GIGYF2: variants seen among roughly 807,000 people sequenced by gnomAD.
GIGYF2 encodes the protein GRB10 interacting GYF protein 2, also known as GRB10-interacting GYF protein 2.
A neutral mutation model predicts 208.1 loss-of-function variants in GIGYF2; 25 were observed. That is an observed-to-expected ratio of 0.12 (90% CI 0.09 to 0.17). The LOEUF (loss-of-function observed/expected upper bound fraction) is 0.17, where lower values mean the gene tolerates loss of function less well. Ranked by LOEUF, GIGYF2 falls within the 10% of genes least tolerant of loss-of-function variation. GIGYF2 has a pLI of 1.00. For missense variants in GIGYF2, 1,302 were observed against 1,579.4 expected (o/e 0.82, Z 2.98); for synonymous variants, 534 against 543.8 (o/e 0.98, Z 0.25).
chr2:232,766,925 T>A (rs1344416533), intron 8 of GIGYF2: 4 of 152,208 alleles, frequency 2.6e-5, no homozygotes, highest in Non-Finnish European at 5.9e-5. Context: ...GTTTGAAACC[T>A]GATAGGGTGA....
At chr2:232,779,857 T>C (rs1304967722) in intron 8 of GIGYF2, among the ~76,000 whole-genome samples, 1 of 152,234 alleles carries the variant, frequency 6.6e-6, no homozygotes, top group East Asian at 1.9e-4. Context: ...CCCTGAGTTT[T>C]GTTTATAAGT....
At chr2:232,805,959 T>C (rs1700549067) in intron 14 of GIGYF2, among the ~76,000 whole-genome samples, 1 of 152,274 alleles carries the variant, frequency 6.6e-6, no homozygotes, top group South Asian at 2.1e-4. Flanking sequence ...TTGTATGTTA[T>C]TTATGTATAT....
Position 232,806,466 on chromosome 2 carries a change from TTC to T in GIGYF2, c.1640-23_1640-22del. ...GAGTCTGAAAGGTTTCTTATTGTCT[TTC>T]TGTTTAATTGGTGCTGTTATAGGTC... On this transcript the variant is annotated intron_variant, in intron 14 of 28. Coordinates refer to ENST00000373563, the MANE Select transcript of GIGYF2 (RefSeq NM_001103146.3). This position sits in a 1 kb window ranked among gnomAD's most constrained non-coding sequence, Gnocchi z 4.0. The T allele has an allele frequency of 1.3e-6, 2 of 1,523,376 alleles. No homozygotes were observed. Among genetic ancestry groups the T allele is most frequent in the Non-Finnish European group, 1.8e-6 (2 of 1,097,170 alleles). 94.4% of individuals were successfully genotyped at this position (1,523,376 alleles called of 1,614,324 possible). A position where few individuals can be genotyped will look rare whatever the true frequency, so the allele number is the denominator to read the frequency against.
intron 9 of GIGYF2, 144 bp from the exon 10 acceptor site, chr2:232,790,554 G>A: frequency 1.3e-6 from 1 of 749,256 alleles, no homozygotes; most frequent in Non-Finnish European, 2.4e-6. Flanking sequence ...ACTTCATTTA[G>A]TTGCCTAATG....
At chr2:232,746,634 TC>T (rs1698161222) in intron 3 of GIGYF2, among the ~76,000 whole-genome samples, 2 of 152,318 alleles carry the variant, frequency 1.3e-5, no homozygotes, top group Admixed American at 1.3e-4. Flanking sequence ...TAGTCCCTTT[TC>T]CCCAAGTTCT....
chr2:232,803,300 G>C (rs1270375653), intron 14 of GIGYF2, among the ~76,000 whole-genome samples: 1 of 152,130 alleles, frequency 6.6e-6, no homozygotes, highest in Admixed American at 6.5e-5. Context: ...TCTTAATAGA[G>C]TCTTTCACAG....
intron 2 of GIGYF2, chr2:232,729,655 G>A (rs1195254781): frequency 1.0e-6 from 1 of 991,170 alleles, no homozygotes; most frequent in Non-Finnish European, 1.6e-6. Flanking sequence ...TCTTAATTCT[G>A]TATCCCACTT....
At chr2:232,726,888 A>G (rs1697225784) in intron 2 of GIGYF2, among the ~76,000 whole-genome samples, 1 of 152,220 alleles carries the variant, frequency 6.6e-6, no homozygotes, top group Non-Finnish European at 1.5e-5. Context: ...AAATATATGA[A>G]TAAAAGGTTG....
intron 23 of GIGYF2, among the ~76,000 whole-genome samples, chr2:232,841,093 A>G (rs1334155007): frequency 6.6e-6 from 1 of 152,008 alleles, no homozygotes; most frequent in Non-Finnish European, 1.5e-5. Context: ...AAAAGAATTG[A>G]ACTTTCTCTG....
At chr2:232,811,058 T>C in intron 16 of GIGYF2, 186 bp from the exon 17 acceptor site, 4 of 560,486 alleles carry the variant, frequency 7.1e-6, no homozygotes, top group Non-Finnish European at 1.3e-5. Flanking sequence ...GTTCAGTTCT[T>C]TCTAGAATGA....
chr2:232,775,607 C>T (rs1699479790), intron 8 of GIGYF2, among the ~76,000 whole-genome samples: 2 of 151,974 alleles, frequency 1.3e-5, no homozygotes. Context: ...AAAATATTTG[C>T]CCATTTATAA....
At chr2:232,730,961 CATGTTGTAA>C (rs969531092) in intron 2 of GIGYF2, among the ~76,000 whole-genome samples, 2 of 148,640 alleles carry the variant, frequency 1.3e-5, no homozygotes, top group Non-Finnish European at 3.0e-5. Flanking sequence ...TTACAGAAAC[CATGTTGTAA>C]ATGGTAGTTG....
intron 12 of GIGYF2, among the ~76,000 whole-genome samples, chr2:232,792,476 C>T (rs1440482668): frequency 6.6e-6 from 1 of 152,096 alleles, no homozygotes; most frequent in Non-Finnish European, 1.5e-5. Context: ...ATGGCACGTG[C>T]TTGTAATCCC....
chr2:232,839,725 A>T (rs1574943775), intron 22 of GIGYF2, 124 bp from the exon 23 acceptor site: 1 of 1,000,464 alleles, frequency 1.0e-6, no homozygotes, highest in Non-Finnish European at 1.5e-6. Context: ...AGGAAATTTG[A>T]ATTGAATGTG....
intron 8 of GIGYF2, among the ~76,000 whole-genome samples, chr2:232,781,524 C>T (rs1487908275): frequency 1.3e-5 from 2 of 151,846 alleles, no homozygotes; most frequent in Non-Finnish European, 2.9e-5. Context: ...TAAATAATTT[C>T]TAGAATAAAA....
At chr2:232,769,116 C>T (rs1358961417) in intron 8 of GIGYF2, among the ~76,000 whole-genome samples, 1 of 152,082 alleles carries the variant, frequency 6.6e-6, no homozygotes, top group African/African-American at 2.4e-5. Context: ...TCCTATATTC[C>T]TGCCTGTGCT....
intron 3 of GIGYF2, among the ~76,000 whole-genome samples, chr2:232,739,437 C>G (rs1361557483): frequency 7.1e-6 from 1 of 141,588 alleles, no homozygotes; most frequent in Admixed American, 7.5e-5. Context: ...CTTTGGGAGG[C>G]AGAGGCATGA....
At chr2:232,773,862 A>C (rs1247905156) in intron 8 of GIGYF2, among the ~76,000 whole-genome samples, 2 of 149,558 alleles carry the variant, frequency 1.3e-5, no homozygotes. Flanking sequence ...GCTTGAGTCC[A>C]GGAGTTAGAG....
intron 8 of GIGYF2, chr2:232,768,230 A>C: frequency 6.2e-7 from 1 of 1,614,150 alleles, no homozygotes; most frequent in Non-Finnish European, 8.5e-7. Flanking sequence ...GAAAATTGTC[A>C]ATGCTTTGTC....
Sources: allele counts gnomAD v4.1 joint callset (sites outside exome capture counted in the v4.1 genomes callset), GRCh38; gene constraint gnomAD v4.1.1; non-coding constraint Gnocchi (gnomAD v3.1); transcripts MANE v1.5; gene names NCBI Gene and HGNC (gene_info 2026-07-23, HGNC 2026-07-21).